The following GRM8 variants were observed in gnomAD, a reference collection of about 807,000 sequenced individuals.
GRM8 encodes the protein metabotropic glutamate receptor 8.
A neutral mutation model predicts 87.2 loss-of-function variants in GRM8; 47 were observed. That is an observed-to-expected ratio of 0.54 (90% CI 0.43 to 0.69). The LOEUF (loss-of-function observed/expected upper bound fraction) is 0.69. Among genes scored for constraint, GRM8 ranks in the 30% least tolerant of loss-of-function variants. GRM8 has a pLI of 0.00. For synonymous variants in GRM8, 396 were observed against 404.5 expected, an observed-to-expected ratio of 0.98 and a Z score of 0.25; for missense variants, 1,019 against 1,139.2, an observed-to-expected ratio of 0.89 and a Z score of 1.52.
chr7:126,559,279 C>T (rs999287631), intron 8 of GRM8, among the ~76,000 whole-genome samples: 1 of 150,780 alleles, frequency 6.6e-6, no homozygotes. Flanking sequence ...CAGCCTCATT[C>T]TCATCCCAGC....
chr7:127,092,512 G>A (rs538105676), intron 3 of GRM8, among the ~76,000 whole-genome samples: 11 of 152,282 alleles, frequency 7.2e-5, no homozygotes, highest in Admixed American at 1.3e-4. Context: ...CCTGGGTAAC[G>A]TGGTGAAATC....
intron 3 of GRM8, among the ~76,000 whole-genome samples, chr7:127,004,340 G>C (rs1049407773): frequency 6.6e-6 from 1 of 151,474 alleles, no homozygotes; most frequent in Admixed American, 6.6e-5. Flanking sequence ...TCAAAGAAAT[G>C]AATAGACAAG....
rs143560363 is a variant in GRM8 at position 126,768,666 on chromosome 7, A to C, written c.1357+1199T>G. Among the ~76,000 whole-genome samples, 423 of 152,114 alleles carry C rather than the reference A, an allele frequency of 2.8e-3. 5 individuals are homozygous for C. Among genetic ancestry groups the C allele is most frequent in the African/African-American group, 9.8e-3 (408 of 41,514 alleles). On this transcript the variant is annotated intron_variant, in intron 7 of 10. Coordinates refer to ENST00000339582, the MANE Select transcript of GRM8 (RefSeq NM_000845.3). The stretch of plus-strand genomic sequence containing the variant: ...TATGGAAACTTCACTCATCTGCATT[A>C]TTCTTCCCACTTCTTAACTAGCAAT...
chr7:126,973,147 G>T (rs983893375), intron 3 of GRM8, among the ~76,000 whole-genome samples: 1 of 152,172 alleles, frequency 6.6e-6, no homozygotes, highest in Non-Finnish European at 1.5e-5. Context: ...ACCTGGAAAA[G>T]CTTGTAAAAA....
At chr7:126,745,457 T>A (rs751995508) in intron 7 of GRM8, among the ~76,000 whole-genome samples, 75 of 151,076 alleles carry the variant, frequency 5.0e-4, no homozygotes, top group Non-Finnish European at 9.8e-4. Flanking sequence ...TGTGTCTGCA[T>A]CTGTGTGTAT....
intron 3 of GRM8, among the ~76,000 whole-genome samples, chr7:126,985,925 T>C (rs542506268): frequency 6.6e-6 from 1 of 152,336 alleles, no homozygotes; most frequent in South Asian, 2.1e-4. Flanking sequence ...GCAGAACTAC[T>C]AAAAGATTGT....
intron 3 of GRM8, among the ~76,000 whole-genome samples, chr7:127,068,920 T>C (rs999965942): frequency 1.3e-5 from 2 of 152,172 alleles, no homozygotes; most frequent in Non-Finnish European, 1.5e-5. Context: ...TACTTAAGCA[T>C]GTGTGGACAG....
At chr7:126,497,946 G>A (rs532396292) in intron 9 of GRM8, among the ~76,000 whole-genome samples, 2 of 152,082 alleles carry the variant, frequency 1.3e-5, no homozygotes, top group African/African-American at 4.8e-5. Flanking sequence ...AAGTGCAAGG[G>A]AATAATTGGA....
chr7:127,084,434 C>T (rs1181586117), intron 3 of GRM8: 1 of 152,196 alleles, frequency 6.6e-6, no homozygotes, highest in South Asian at 2.1e-4. Context: ...TGGGAGTAGA[C>T]GAAGGGGCAT....
intron 6 of GRM8, among the ~76,000 whole-genome samples, chr7:126,793,889 ATG>A (rs1821647063): frequency 6.6e-6 from 1 of 152,206 alleles, no homozygotes; most frequent in Non-Finnish European, 1.5e-5. Flanking sequence ...ATGATGGCAT[ATG>A]GAAATGTCTA....
At position 126,603,355 on chromosome 7, in the gene GRM8, T is replaced by C. The variant is rs976464117; in HGVS notation, c.1494+6007A>G. 1.4e-4 allele frequency among the ~76,000 whole-genome samples: 21 copies of C among 149,080 alleles called. No individual in the cohort carries two copies. In the East Asian group the frequency reaches 4.0e-3, roughly 28 times the overall value. ...CAGGGATGCCCTCTCTCACCGCTCC[T>C]ATTCAACATAGTGTTGGAAGTTCTG... On this transcript the variant is annotated intron_variant, in intron 8 of 10. Transcript: ENST00000339582.
chr7:127,132,280 T>C (rs572031765), intron 2 of GRM8, among the ~76,000 whole-genome samples: 3 of 152,350 alleles, frequency 2.0e-5, no homozygotes, highest in South Asian at 2.1e-4. Flanking sequence ...TAACAGAAAA[T>C]GCTTTCCCCT....
At chr7:126,628,508 C>A (rs759054563) in intron 7 of GRM8, among the ~76,000 whole-genome samples, 1 of 152,046 alleles carries the variant, frequency 6.6e-6, no homozygotes, top group Non-Finnish European at 1.5e-5. Flanking sequence ...TATTATACTG[C>A]AGTCAAAATG....
At chr7:127,027,698 C>G (rs1430634572) in intron 3 of GRM8, among the ~76,000 whole-genome samples, 1 of 152,168 alleles carries the variant, frequency 6.6e-6, no homozygotes, top group African/African-American at 2.4e-5. Flanking sequence ...TGAGACTTTG[C>G]TGAAGTTGCT....
chr7:126,951,942 T>C (rs1314109378), intron 3 of GRM8, among the ~76,000 whole-genome samples: 2 of 151,942 alleles, frequency 1.3e-5, no homozygotes, highest in African/African-American at 4.8e-5. Context: ...TGAGAAGGCT[T>C]AGAGCAATGA....
Position 126,576,552 on chromosome 7 carries a change from G to A in GRM8, c.1494+32810C>T, listed in dbSNP as rs143634147. 1.4e-3 allele frequency among the ~76,000 whole-genome samples: 212 copies of A among 152,234 alleles called. 2 individuals carry two copies. Among genetic ancestry groups the A allele is most frequent in the Non-Finnish European group, 1.3e-3 (86 of 68,018 alleles). ...TCCATCTCGGCCTCCCAAAGTGCTT[G>A]GATTAGAGGCATAAACCACCACACC... On this transcript the variant is annotated intron_variant, in intron 8 of 10. Transcript: ENST00000339582.
At chr7:126,559,167 T>TC (rs2150953322) in intron 8 of GRM8, among the ~76,000 whole-genome samples, 1 of 151,056 alleles carries the variant, frequency 6.6e-6, no homozygotes, top group South Asian at 2.1e-4. Context: ...TTTTTTTTTT[T>TC]TTTAAGGCAG....
intron 3 of GRM8, among the ~76,000 whole-genome samples, chr7:127,089,641 T>C (rs1054250523): frequency 1.6e-4 from 24 of 152,204 alleles, no homozygotes; most frequent in African/African-American, 5.8e-4. Flanking sequence ...TTTACTCCTA[T>C]ACTGTTTTAA....
At chr7:126,606,098 A>G (rs1798316756) in intron 8 of GRM8, among the ~76,000 whole-genome samples, 1 of 152,208 alleles carries the variant, frequency 6.6e-6, no homozygotes, top group Non-Finnish European at 1.5e-5. Context: ...TTTATCTCAT[A>G]TAAAGTTTGT....
Sources: gnomAD v4.1 joint callset for allele counts (sites outside exome capture counted in the v4.1 genomes callset) on GRCh38, gnomAD v4.1.1 for gene constraint, MANE v1.5 for transcripts, NCBI Gene and HGNC (gene_info 2026-07-23, HGNC 2026-07-21) for gene names.